Variants in TAFA4 observed in about 807,000 individuals in gnomAD.
The protein encoded by TAFA4 is TAFA chemokine like family member 4, also known as chemokine-like protein TAFA-4.
In TAFA4, 20 loss-of-function variants were observed where a neutral mutation model predicts 21.1. The observed-to-expected ratio is 0.95, with a 90% CI of 0.67 to 1.38. The LOEUF is 1.38. Among genes scored for constraint, TAFA4 ranks in the 40% most tolerant of loss-of-function variants. The pLI is 0.00. For synonymous variants in TAFA4, 71 were observed against 67.4 expected (o/e 1.05, Z -0.26); for missense variants, 211 against 180.9 (o/e 1.17, Z -0.95).
intron 5 of TAFA4, among the ~76,000 whole-genome samples, chr3:68,737,220 C>CA (rs1702258977): frequency 6.6e-6 from 1 of 152,092 alleles, no homozygotes; most frequent in East Asian, 1.9e-4. Context: ...TCGTGGGCTA[C>CA]TCCAAGATTT....
At chr3:68,821,055 T>C (rs547599304) in intron 3 of TAFA4, among the ~76,000 whole-genome samples, 1 of 152,360 alleles carries the variant, frequency 6.6e-6, no homozygotes, top group Non-Finnish European at 1.5e-5. Flanking sequence ...TAAATCATTT[T>C]AGTCACTAAT....
intron 3 of TAFA4, among the ~76,000 whole-genome samples, chr3:68,775,224 A>G (rs754313617): frequency 1.3e-5 from 2 of 152,162 alleles, no homozygotes; most frequent in Non-Finnish European, 2.9e-5. Flanking sequence ...CTCTTTTCCA[A>G]TTTCCTCCAC....
intron 3 of TAFA4, among the ~76,000 whole-genome samples, chr3:68,767,695 A>G (rs1354082383): frequency 6.6e-6 from 1 of 152,014 alleles, no homozygotes; most frequent in African/African-American, 2.4e-5. Context: ...GATAAATCTG[A>G]TTATATATTT....
intron 3 of TAFA4, among the ~76,000 whole-genome samples, chr3:68,871,940 T>C (rs766838835): frequency 2.0e-5 from 3 of 152,104 alleles, no homozygotes; most frequent in East Asian, 3.9e-4. Flanking sequence ...AGAACACTCA[T>C]ACATCATTGG....
intron 4 of TAFA4, among the ~76,000 whole-genome samples, chr3:68,742,882 T>C (rs1702383697): frequency 6.6e-6 from 1 of 152,182 alleles, no homozygotes; most frequent in Admixed American, 6.5e-5. Flanking sequence ...CTAACGCTTA[T>C]ATTCATACCT....
chr3:68,860,823 C>G (rs541908806), intron 3 of TAFA4, among the ~76,000 whole-genome samples: 24 of 152,066 alleles, frequency 1.6e-4, no homozygotes, highest in African/African-American at 5.8e-4. Context: ...TTCTTTAACA[C>G]GTAGGTCCCT....
At chr3:68,910,227 A>T (rs1243716635) in intron 1 of TAFA4, among the ~76,000 whole-genome samples, 2 of 152,246 alleles carry the variant, frequency 1.3e-5, no homozygotes, top group Non-Finnish European at 2.9e-5. Flanking sequence ...GGTTCCACCC[A>T]TCTCAAGGGG....
At chr3:68,749,992 A>G (rs573268593) in intron 4 of TAFA4, among the ~76,000 whole-genome samples, 2 of 152,356 alleles carry the variant, frequency 1.3e-5, no homozygotes, top group African/African-American at 4.8e-5. Flanking sequence ...ATCATCACAG[A>G]ACATTTTAGT....
rs549496859 is a variant in TAFA4, at chr3:68,845,562, T to C, written c.130+35168A>G. Among the ~76,000 whole-genome samples, 12 of 152,360 alleles carry C rather than the reference T, an allele frequency of 7.9e-5. No homozygotes were observed. The South Asian group carries it at 2.3e-3, about 29-fold the overall frequency. ...ATGTGTGAATTTGATGCTGTCATTA[T>C]GATGCTAGCTGGTTATTTTGCCCAT... On this transcript the variant is annotated intron_variant, in intron 3 of 5. Transcript: ENST00000295569.
intron 5 of TAFA4, among the ~76,000 whole-genome samples, chr3:68,733,995 T>A (rs1218489868): frequency 6.6e-6 from 1 of 152,164 alleles, no homozygotes; most frequent in Non-Finnish European, 1.5e-5. Context: ...GTGCAGGGAC[T>A]GGAAAACTTT....
At chr3:68,747,245 T>TTCTCTC (rs138372647) in intron 4 of TAFA4, among the ~76,000 whole-genome samples, 1 of 151,086 alleles carries the variant, frequency 6.6e-6, no homozygotes, top group Non-Finnish European at 1.5e-5. Context: ...CTTGTGAGTT[T>TTCTCTC]TCTCTCTCTC....
chr3:68,744,468 C>G (rs1033595242), intron 4 of TAFA4, among the ~76,000 whole-genome samples: 4 of 152,170 alleles, frequency 2.6e-5, no homozygotes, highest in Non-Finnish European at 4.4e-5. Context: ...TTGAGAAGAA[C>G]AAACTCTAAA....
intron 3 of TAFA4, among the ~76,000 whole-genome samples, chr3:68,824,488 C>A (rs1474524937): frequency 6.6e-6 from 1 of 152,190 alleles, no homozygotes; most frequent in Non-Finnish European, 1.5e-5. Flanking sequence ...CTCCTCCTTT[C>A]ATGTAAAAGG....
chr3:68,828,701 T>C (rs916276081), intron 3 of TAFA4, among the ~76,000 whole-genome samples: 4 of 152,222 alleles, frequency 2.6e-5, no homozygotes, highest in Admixed American at 6.5e-5. Context: ...TGTACAGGAA[T>C]GCTTGTGATT....
At chr3:68,927,941 C>A (rs576593342) in intron 1 of TAFA4, among the ~76,000 whole-genome samples, 1 of 151,566 alleles carries the variant, frequency 6.6e-6, no homozygotes, top group African/African-American at 2.4e-5. Flanking sequence ...CCTATTTTTC[C>A]AAAAAGGATA....
At chr3:68,880,439 C>CAT (rs1417539399) in intron 3 of TAFA4, among the ~76,000 whole-genome samples, 2 of 151,996 alleles carry the variant, frequency 1.3e-5, no homozygotes. Flanking sequence ...CACACACACA[C>CAT]GCCAACCACA....
intron 3 of TAFA4, among the ~76,000 whole-genome samples, chr3:68,827,498 G>A (rs541227389): frequency 7.9e-5 from 12 of 152,162 alleles, no homozygotes; most frequent in South Asian, 2.1e-4. Flanking sequence ...TTACACTCCC[G>A]CCAACAGTGT....
At chr3:68,794,640 C>A (rs1190632299) in intron 3 of TAFA4, among the ~76,000 whole-genome samples, 1 of 152,114 alleles carries the variant, frequency 6.6e-6, no homozygotes, top group African/African-American at 2.4e-5. Context: ...AACGGCTATG[C>A]CTACCTGCAG....
At chr3:68,757,728 C>CCAA (rs1219173248) in intron 3 of TAFA4, among the ~76,000 whole-genome samples, 5 of 152,160 alleles carry the variant, frequency 3.3e-5, no homozygotes, top group African/African-American at 1.2e-4. Context: ...TTATACAGCA[C>CCAA]CAACTCTTGT....
Sources: gnomAD v4.1 joint callset for allele counts (sites outside exome capture counted in the v4.1 genomes callset) on GRCh38, gnomAD v4.1.1 for gene constraint, MANE v1.5 for transcripts, NCBI Gene and HGNC (gene_info 2026-07-23, HGNC 2026-07-21) for gene names.